CDK6: variants seen among roughly 807,000 people sequenced by gnomAD.
CDK6 encodes the protein cyclin-dependent kinase 6.
In CDK6, 6 loss-of-function variants were observed where a neutral mutation model predicts 37.1. The ratio of observed to expected loss-of-function variants is 0.16; its 90% CI spans 0.09 to 0.32. The LOEUF (loss-of-function observed/expected upper bound fraction) is 0.32, where lower values mean the gene tolerates loss of function less well. Ranked by LOEUF, CDK6 falls within the 10% of genes least tolerant of loss-of-function variation. The pLI, the probability that CDK6 is intolerant of heterozygous loss-of-function variation, is 1.00. For missense variants in CDK6, 224 were observed against 418.9 expected, an observed-to-expected ratio of 0.53 and a Z score of 4.06; for synonymous variants, 160 against 161.3, an observed-to-expected ratio of 0.99 and a Z score of 0.06.
At chr7:92,797,372 C>T (rs1464200286) in intron 2 of CDK6, among the ~76,000 whole-genome samples, 1 of 152,196 alleles carries the variant, frequency 6.6e-6, no homozygotes, top group African/African-American at 2.4e-5. Flanking sequence ...ACAGTTTTTA[C>T]TGGAAAAGAA....
chr7:92,778,207 T>C (rs1032454244), intron 2 of CDK6, among the ~76,000 whole-genome samples: 1 of 152,168 alleles, frequency 6.6e-6, no homozygotes. Flanking sequence ...ACATGCTTCA[T>C]AGCCAGATCC....
intron 3 of CDK6, among the ~76,000 whole-genome samples, chr7:92,727,246 G>C (rs1798534566): frequency 6.6e-6 from 1 of 152,130 alleles, no homozygotes; most frequent in Non-Finnish European, 1.5e-5. Context: ...AAATGACTGG[G>C]TACCACCATG....
chr7:92,787,535 T>A (rs548917249), intron 2 of CDK6, among the ~76,000 whole-genome samples: 1 of 152,256 alleles, frequency 6.6e-6, no homozygotes, highest in South Asian at 2.1e-4. Context: ...AAATTTTTTG[T>A]TTATGTTTTG....
chr7:92,736,048 C>G (rs1451811304), intron 3 of CDK6, among the ~76,000 whole-genome samples: 1 of 152,038 alleles, frequency 6.6e-6, no homozygotes, highest in East Asian at 1.9e-4. Flanking sequence ...AGCTTTGGAT[C>G]CAAATTTGTA....
At chr7:92,753,907 G>A (rs1411406861) in intron 3 of CDK6, among the ~76,000 whole-genome samples, 1 of 152,148 alleles carries the variant, frequency 6.6e-6, no homozygotes, top group Non-Finnish European at 1.5e-5. Flanking sequence ...ACCTGGGAAT[G>A]GAAACCTTGT....
intron 2 of CDK6, among the ~76,000 whole-genome samples, chr7:92,798,718 T>A (rs1292710900): frequency 6.6e-6 from 1 of 152,148 alleles, no homozygotes; most frequent in Non-Finnish European, 1.5e-5. Context: ...GGACAGCCAA[T>A]CCCTCTGCTT....
At chr7:92,736,740 A>C (rs1325750515) in intron 3 of CDK6, among the ~76,000 whole-genome samples, 1 of 152,218 alleles carries the variant, frequency 6.6e-6, no homozygotes, top group Non-Finnish European at 1.5e-5. Flanking sequence ...GTAAGTAGTA[A>C]AAATGTGTAA....
chr7:92,768,906 A>G (rs978477264), intron 3 of CDK6, among the ~76,000 whole-genome samples: 1 of 152,146 alleles, frequency 6.6e-6, no homozygotes, highest in Non-Finnish European at 1.5e-5. Context: ...GAGAGGGGCC[A>G]TGGCTTGATT....
intron 2 of CDK6, among the ~76,000 whole-genome samples, chr7:92,823,988 G>C (rs1801246264): frequency 6.6e-6 from 1 of 151,800 alleles, no homozygotes; most frequent in Non-Finnish European, 1.5e-5. Context: ...TTCTTGCTCT[G>C]CTGCTGGAAA....
At chr7:92,750,111 G>A (rs1799154406) in intron 3 of CDK6, among the ~76,000 whole-genome samples, 1 of 152,154 alleles carries the variant, frequency 6.6e-6, no homozygotes, top group African/African-American at 2.4e-5. Flanking sequence ...GTAATAAGAT[G>A]TTTTAAATAT....
At chr7:92,810,547 T>G (rs955762265) in intron 2 of CDK6, among the ~76,000 whole-genome samples, 3 of 152,188 alleles carry the variant, frequency 2.0e-5, no homozygotes, top group Admixed American at 6.5e-5. Flanking sequence ...ACTTAAGAAG[T>G]AGACAACTGT....
intron 2 of CDK6, among the ~76,000 whole-genome samples, chr7:92,780,639 T>C (rs1799963377): frequency 6.6e-6 from 1 of 151,548 alleles, no homozygotes; most frequent in Non-Finnish European, 1.5e-5. Flanking sequence ...CAGGCGCCTG[T>C]AGTCCCAGCT....
At chr7:92,694,025 G>A (rs996071349) in intron 4 of CDK6, among the ~76,000 whole-genome samples, 5 of 151,982 alleles carry the variant, frequency 3.3e-5, no homozygotes, top group Non-Finnish European at 5.9e-5. Flanking sequence ...TCTAAATATC[G>A]GCCATTTATT....
intron 2 of CDK6, among the ~76,000 whole-genome samples, chr7:92,810,801 A>G (rs759198564): frequency 5.5e-4 from 84 of 152,318 alleles, no homozygotes; most frequent in Non-Finnish European, 5.3e-4. Context: ...GGCCGGGTGC[A>G]GTGGCTCACG....
chr7:92,826,172 T>A (rs141672910), intron 2 of CDK6, among the ~76,000 whole-genome samples: 1,950 of 152,222 alleles, frequency 0.013, 24 homozygotes, highest in Non-Finnish European at 0.018. Context: ...ATCCAATGGA[T>A]ACAGGATATA....
intron 4 of CDK6, among the ~76,000 whole-genome samples, chr7:92,713,965 A>G (rs940392467): frequency 6.6e-6 from 1 of 152,106 alleles, no homozygotes; most frequent in Non-Finnish European, 1.5e-5. Context: ...TACCTCCTCT[A>G]CTCAGAAACC....
At chr7:92,664,207 AC>A (rs1310743517) in intron 5 of CDK6, among the ~76,000 whole-genome samples, 13 of 152,142 alleles carry the variant, frequency 8.5e-5, no homozygotes, top group African/African-American at 3.1e-4. Flanking sequence ...GAAAAAAAAA[AC>A]AAAAACAGAG....
intron 4 of CDK6, among the ~76,000 whole-genome samples, chr7:92,683,065 C>T (rs1192514302): frequency 6.6e-6 from 1 of 152,132 alleles, no homozygotes; most frequent in Non-Finnish European, 1.5e-5. Context: ...ATTTGATCTC[C>T]CTCTGCTTTC....
At chr7:92,673,455 T>C (rs142215834) in intron 4 of CDK6, among the ~76,000 whole-genome samples, 43 of 152,312 alleles carry the variant, frequency 2.8e-4, no homozygotes, top group African/African-American at 8.9e-4. Flanking sequence ...GGTTGTGATA[T>C]AATAGAAATA....
Sources: allele counts gnomAD v4.1 joint callset (sites outside exome capture counted in the v4.1 genomes callset), GRCh38; gene constraint gnomAD v4.1.1; transcripts MANE v1.5; gene names NCBI Gene and HGNC (gene_info 2026-07-23, HGNC 2026-07-21).